PCDHGB3: variants seen among roughly 807,000 people sequenced by gnomAD.
PCDHGB3 encodes protocadherin gamma subfamily B, 3.
Under a neutral mutation model 59.2 loss-of-function variants are expected in PCDHGB3, and 40 were observed. The observed-to-expected ratio is 0.68, with a 90% CI of 0.52 to 0.88. The LOEUF is 0.88. PCDHGB3 is among the 40% of genes least tolerant of loss of function. PCDHGB3 has a pLI of 0.00. For synonymous variants in PCDHGB3, 581 were observed against 503.6 expected, an observed-to-expected ratio of 1.15 and a Z score of -2.06; for missense variants, 1,309 against 1,187.9, an observed-to-expected ratio of 1.10 and a Z score of -1.50.
chr5:141,393,899 C>T, intron 1 of PCDHGB3: 1 of 1,613,932 alleles, frequency 6.2e-7, no homozygotes, highest in Non-Finnish European at 8.5e-7. Context: ...ATTCTCTTCC[C>T]GGGACAGTAA....
At chr5:141,393,917 C>A in intron 1 of PCDHGB3, 1 of 1,613,924 alleles carries the variant, frequency 6.2e-7, no homozygotes, top group Non-Finnish European at 8.5e-7. Flanking sequence ...TAATTGCCTT[C>A]TTGAGTGTGC....
intron 1 of PCDHGB3, chr5:141,421,969 T>C (rs1039340340): frequency 1.2e-6 from 2 of 1,611,188 alleles, no homozygotes; most frequent in Admixed American, 1.7e-5. Flanking sequence ...ACAGTCCGTA[T>C]ATCGCGTGAG....
At chr5:141,420,211 T>C (rs759486952) in intron 1 of PCDHGB3, 11 of 1,612,388 alleles carry the variant, frequency 6.8e-6, no homozygotes, top group African/African-American at 1.3e-5. Context: ...TCAACAAAGA[T>C]AGCATGCTAC....
intron 1 of PCDHGB3, chr5:141,392,255 G>A (rs912458411): frequency 4.6e-5 from 7 of 152,104 alleles, no homozygotes; most frequent in Non-Finnish European, 1.0e-4. Flanking sequence ...AGTATATATT[G>A]GAGACATTTA....
intron 1 of PCDHGB3, among the ~76,000 whole-genome samples, chr5:141,484,797 G>C (rs1228143036): frequency 6.6e-6 from 1 of 152,064 alleles, no homozygotes; most frequent in Non-Finnish European, 1.5e-5. Flanking sequence ...ATAACAACCC[G>C]TGGAAAAACA....
In PCDHGB3 at chr5:141,383,030, T is replaced by C. The variant is rs756178371; in HGVS notation, c.2415+10221T>C. 2 of 1,613,742 alleles carry C rather than the reference T, an allele frequency of 1.2e-6. No individual in the cohort carries two copies. Among genetic ancestry groups the C allele is most frequent in the Non-Finnish European group, 1.7e-6 (2 of 1,179,874 alleles). ...TCGGAGGAGACGGACAAAGGGTCCT[T>C]TGTGGGAGACATCGCCAAGGACCTG... On this transcript the variant is annotated intron_variant, in intron 1 of 3. Coordinates refer to ENST00000576222, the MANE Select transcript of PCDHGB3 (RefSeq NM_018924.5).
At chr5:141,399,916 A>G in intron 1 of PCDHGB3, 3 of 1,612,378 alleles carry the variant, frequency 1.9e-6, no homozygotes, top group Non-Finnish European at 1.7e-6. Context: ...CTCAGGACAC[A>G]ACGCCTGGCT....
At position 141,431,994 on chromosome 5, in the gene PCDHGB3, G is replaced by C; in HGVS notation, c.2415+59185G>C. ...TTAGTCACAGACATAGTCTTGGATA[G>C]GGAACAGGTTCCTAGCTACAACATC... is the stretch of plus-strand genomic sequence containing the variant. On this transcript the variant is annotated intron_variant, in intron 1 of 3. Coordinates refer to ENST00000576222, the MANE Select transcript of PCDHGB3 (RefSeq NM_018924.5). The surrounding 1 kb of genome is among the most constrained non-coding windows in gnomAD (Gnocchi z 4.8). 1.9e-6 allele frequency: 3 copies of C among 1,614,188 alleles called. 1 individual carries two copies. The highest frequency in any genetic ancestry group is 2.2e-5 in the South Asian group (2 of 91,082).
intron 1 of PCDHGB3, chr5:141,413,082 A>G: frequency 7.4e-7 from 1 of 1,344,446 alleles, no homozygotes; most frequent in African/African-American, 1.5e-5. Context: ...CCCAGGCTAC[A>G]GAGACACCCT....
chr5:141,381,775 C>T (rs1162791919), intron 1 of PCDHGB3, among the ~76,000 whole-genome samples: 1 of 150,644 alleles, frequency 6.6e-6, no homozygotes, highest in East Asian at 1.9e-4. Flanking sequence ...AATCAATAAT[C>T]AGGAACAAGG....
At chr5:141,464,931 G>T (rs2099093694) in intron 1 of PCDHGB3, among the ~76,000 whole-genome samples, 1 of 151,942 alleles carries the variant, frequency 6.6e-6, no homozygotes, top group Non-Finnish European at 1.5e-5. Context: ...GTAGAGATGT[G>T]AGGTCTCACT....
intron 1 of PCDHGB3, chr5:141,413,132 A>C (rs1313665743): frequency 1.3e-6 from 2 of 1,542,144 alleles, no homozygotes; most frequent in Admixed American, 4.0e-5. Context: ...GAAACACACA[A>C]CGTGTCCAGT....
Position 141,371,042 on chromosome 5 carries a change from T to C in PCDHGB3, c.648T>C (p.Asp216=). The C allele has an allele frequency of 6.2e-7, 1 of 1,613,964 alleles. No homozygotes were observed. Among genetic ancestry groups the C allele is most frequent in the Non-Finnish European group, 8.5e-7 (1 of 1,179,888 alleles). The stretch of plus-strand genomic sequence containing the variant: ...ACCACCTGGTCCTCACAGCTGTGGA[T>C]GGGGGCGAGCCCTCCAGAAGCTGTA... ...PHHHLVLTAV[D]GGEPSRSCTT... Residue 216 remains aspartate, a synonymous_variant, in exon 1 of 4, where the codon GAT becomes GAC. Transcript: ENST00000576222.
At chr5:141,472,998 GAAAGAA>G (rs1489589280) in intron 1 of PCDHGB3, among the ~76,000 whole-genome samples, 8 of 134,744 alleles carry the variant, frequency 5.9e-5, no homozygotes, top group South Asian at 2.3e-4. Flanking sequence ...AAAAAAAAAA[GAAAGAA>G]AAAGAAAAAG....
At position 141,491,969 on chromosome 5, in the gene PCDHGB3, C is replaced by A; in HGVS notation, c.2416-2838C>A. ...CCCCTACACTCAAAAAAGGCCGGGGCCTCCTTCGAGCTTCCGGTGAATTTC... is the reference window on the plus strand; with the variant it reads ...CCCCTACACTCAAAAAAGGCCGGGGACTCCTTCGAGCTTCCGGTGAATTTC... On this transcript the variant is annotated intron_variant, in intron 1 of 3. Coordinates refer to ENST00000576222, the MANE Select transcript of PCDHGB3 (RefSeq NM_018924.5). The surrounding 1 kb of genome is among the most constrained non-coding windows in gnomAD (Gnocchi z 6.9). 1 of 898,714 alleles carries A rather than the reference C, an allele frequency of 1.1e-6. No individual in the cohort carries two copies. Among genetic ancestry groups the A allele is most frequent in the Non-Finnish European group, 1.6e-6 (1 of 629,384 alleles). 55.7% of individuals were successfully genotyped at this position (898,714 alleles called of 1,614,324 possible). A position where few individuals can be genotyped will look rare whatever the true frequency, so the allele number is the denominator to read the frequency against.
At chr5:141,407,963 G>T (rs2095010709) in intron 1 of PCDHGB3, 1 of 681,746 alleles carries the variant, frequency 1.5e-6, no homozygotes, top group Admixed American at 3.5e-5. Context: ...TGCAGAGCAA[G>T]CGCTGACGCC....
At position 141,444,986 on chromosome 5, in the gene PCDHGB3, T is replaced by C. The variant is rs990862582; in HGVS notation, c.2416-49821T>C. On this transcript the variant is annotated intron_variant, in intron 1 of 3. Transcript: ENST00000576222. ...TGACACTTCAAATCCATGAACATGG[T>C]ATATATTTCCATTTAATTAGGTCTT... Among the ~76,000 whole-genome samples, 4 of 152,206 alleles carry C rather than the reference T, an allele frequency of 2.6e-5. No individual in the cohort carries two copies. The East Asian group carries it at 7.7e-4, about 29-fold the overall frequency.
rs765454115 is a variant in PCDHGB3, at chr5:141,410,470, T to C, written c.2415+37661T>C. On this transcript the variant is annotated intron_variant, in intron 1 of 3. Coordinates refer to ENST00000576222, the MANE Select transcript of PCDHGB3 (RefSeq NM_018924.5). Reference sequence around the variant, plus strand: ...TGCCTTATTCTTATAATCTGTGCATTGCACATACGGGTACAAAAGAGTTTA... The same window carrying C: ...TGCCTTATTCTTATAATCTGTGCATCGCACATACGGGTACAAAAGAGTTTA... 1.9e-6 allele frequency: 3 copies of C among 1,613,922 alleles called. No individual in the cohort carries two copies. The African/African-American group carries it at 4.0e-5, about 22-fold the overall frequency.
chr5:141,451,112 G>A (rs776356458), intron 1 of PCDHGB3, among the ~76,000 whole-genome samples: 9 of 152,236 alleles, frequency 5.9e-5, no homozygotes, highest in Admixed American at 1.3e-4. Flanking sequence ...ACAGGCGTGA[G>A]CCACCACACC....
Sources: allele counts gnomAD v4.1 joint callset (sites outside exome capture counted in the v4.1 genomes callset), GRCh38; gene constraint gnomAD v4.1.1; non-coding constraint Gnocchi (gnomAD v3.1); transcripts MANE v1.5; gene names NCBI Gene and HGNC (gene_info 2026-07-23, HGNC 2026-07-21).